The following ME3 variants were observed in gnomAD, a reference collection of about 807,000 sequenced individuals.
ME3 encodes malic enzyme 3, also known as NADP-dependent malic enzyme, mitochondrial.
Under a neutral mutation model 68.9 loss-of-function variants are expected in ME3, and 48 were observed. The observed-to-expected ratio is 0.70, with a 90% CI of 0.55 to 0.89. The LOEUF (loss-of-function observed/expected upper bound fraction) is 0.89, where lower values mean the gene tolerates loss of function less well. Ranked by LOEUF, ME3 falls within the 40% of genes least tolerant of loss-of-function variation. The pLI is 0.00. For missense variants in ME3, 675 were observed against 797.4 expected (o/e 0.85, Z 1.85); for synonymous variants, 320 against 318.8 (o/e 1.00, Z -0.04).
intron 4 of ME3, among the ~76,000 whole-genome samples, chr11:86,544,265 A>T (rs971615725): frequency 3.9e-5 from 6 of 152,184 alleles, no homozygotes; most frequent in Admixed American, 2.6e-4. Context: ...AAGAGCAAAC[A>T]AATTCAAAAG....
rs189981284 is a variant in ME3 at position 86,508,774 on chromosome 11, A to G, written c.543+18T>C. ...TTCACCCAACAATGATTAAATAGCA[A>G]TGAAAACGGGATCATACCTTAATAT... is the stretch of plus-strand genomic sequence containing the variant. On this transcript the variant is annotated intron_variant, in intron 5 of 14. Coordinates refer to ENST00000543262, the Ensembl canonical transcript of ME3. 7.5e-6 allele frequency: 12 copies of G among 1,594,286 alleles called. No individual in the cohort carries two copies. The East Asian group carries it at 1.8e-4, about 24-fold the overall frequency.
At chr11:86,551,379 A>G (rs1956673665) in intron 4 of ME3, among the ~76,000 whole-genome samples, 1 of 151,914 alleles carries the variant, frequency 6.6e-6, no homozygotes, top group Non-Finnish European at 1.5e-5. Context: ...GTCCAACATG[A>G]TATAGTATGT....
chr11:86,612,371 A>C (rs1481551568), intron 2 of ME3, among the ~76,000 whole-genome samples: 2 of 152,218 alleles, frequency 1.3e-5, no homozygotes, highest in Non-Finnish European at 2.9e-5. Context: ...TGTAATAAAC[A>C]TATGTGTGCA....
intron 8 of ME3, among the ~76,000 whole-genome samples, chr11:86,456,714 G>A (rs1005050561): frequency 6.6e-6 from 1 of 152,174 alleles, no homozygotes; most frequent in African/African-American, 2.4e-5. Flanking sequence ...CTGTACCTCT[G>A]GAAGGGGAGG....
intron 2 of ME3, among the ~76,000 whole-genome samples, chr11:86,567,814 A>G (rs942709342): frequency 6.6e-6 from 1 of 152,254 alleles, no homozygotes; most frequent in African/African-American, 2.4e-5. Flanking sequence ...CCTCCAACAT[A>G]GGACAGGCAC....
intron 9 of ME3, 44 bp downstream of exon 9, chr11:86,450,257 A>G (rs1949558509): frequency 2.4e-5 from 38 of 1,578,402 alleles, no homozygotes; most frequent in Non-Finnish European, 3.0e-5. Flanking sequence ...ACCCATTCTT[A>G]TTCTCTTCCT....
At chr11:86,611,108 C>G (rs1942540015) in intron 2 of ME3, among the ~76,000 whole-genome samples, 1 of 151,996 alleles carries the variant, frequency 6.6e-6, no homozygotes, top group Non-Finnish European at 1.5e-5. Flanking sequence ...CATGGATGAA[C>G]CTGGAGGACA....
At chr11:86,630,314 C>T (rs1182292747) in intron 2 of ME3, among the ~76,000 whole-genome samples, 2 of 152,120 alleles carry the variant, frequency 1.3e-5, no homozygotes, top group Non-Finnish European at 2.9e-5. Context: ...GAAGTATTTT[C>T]CAAATGCAGC....
chr11:86,642,983 G>T (rs1308652273), intron 2 of ME3, among the ~76,000 whole-genome samples: 1 of 145,166 alleles, frequency 6.9e-6, no homozygotes, highest in Non-Finnish European at 1.5e-5. Flanking sequence ...ATAAATATAA[G>T]GTTTCTATTA....
intron 2 of ME3, among the ~76,000 whole-genome samples, chr11:86,573,080 T>TC (rs1189729350): frequency 1.3e-5 from 2 of 151,982 alleles, no homozygotes; most frequent in African/African-American, 4.8e-5. Flanking sequence ...AATGTCTTTT[T>TC]TGAGAAGTGT....
intron 4 of ME3, among the ~76,000 whole-genome samples, chr11:86,521,311 C>T (rs902673034): frequency 5.9e-5 from 9 of 151,916 alleles, no homozygotes; most frequent in Non-Finnish European, 1.3e-4. Context: ...AGGAGAATGG[C>T]GTGAACCCAG....
At chr11:86,617,873 A>C (rs556088458) in intron 2 of ME3, among the ~76,000 whole-genome samples, 1 of 152,334 alleles carries the variant, frequency 6.6e-6, no homozygotes, top group South Asian at 2.1e-4. Flanking sequence ...CTAAATGACA[A>C]AGGAAAAATA....
intron 2 of ME3, among the ~76,000 whole-genome samples, chr11:86,571,089 G>C (rs1203111052): frequency 6.6e-6 from 1 of 152,110 alleles, no homozygotes; most frequent in Non-Finnish European, 1.5e-5. Context: ...TTAGGTTAAG[G>C]GTTATAAGCA....
chr11:86,537,677 A>G (rs1034522319), intron 4 of ME3, among the ~76,000 whole-genome samples: 4 of 152,160 alleles, frequency 2.6e-5, no homozygotes, highest in African/African-American at 7.2e-5. Context: ...TGCTGAAGAG[A>G]TCTTTCTTTT....
intron 2 of ME3, among the ~76,000 whole-genome samples, chr11:86,627,312 G>T (rs896897219): frequency 6.6e-6 from 1 of 152,190 alleles, no homozygotes; most frequent in Non-Finnish European, 1.5e-5. Context: ...TCTAATAGAT[G>T]CTTAACAAAT....
chr11:86,643,342 C>G (rs1944789576), intron 2 of ME3, among the ~76,000 whole-genome samples: 1 of 152,066 alleles, frequency 6.6e-6, no homozygotes, highest in Non-Finnish European at 1.5e-5. Context: ...CCTGCCCCAT[C>G]CTTCCACACA....
In ME3 at chr11:86,661,149, G is replaced by A. The variant is rs115346094; in HGVS notation, c.183+10613C>T. ...TCTCCTGGATCTGAAGAAAACACAT[G>A]CACATGATGGCGATACATGTGCTAA... On this transcript the variant is annotated intron_variant, in intron 2 of 14. Coordinates refer to ENST00000543262, the Ensembl canonical transcript of ME3. Among the ~76,000 whole-genome samples, 409 of 152,392 alleles carry A rather than the reference G, an allele frequency of 2.7e-3. 3 individuals are homozygous for A. The highest frequency in any genetic ancestry group is 9.6e-3 in the African/African-American group (398 of 41,602).
At chr11:86,469,319 T>G (rs1318235636) in intron 7 of ME3, among the ~76,000 whole-genome samples, 1 of 152,156 alleles carries the variant, frequency 6.6e-6, no homozygotes, top group Non-Finnish European at 1.5e-5. Flanking sequence ...GCAGGGAGGT[T>G]AGACATTTCT....
chr11:86,448,999 A>T (rs947410048), intron 10 of ME3, among the ~76,000 whole-genome samples: 7 of 152,222 alleles, frequency 4.6e-5, no homozygotes, highest in Non-Finnish European at 7.3e-5. Flanking sequence ...TGGCCAGATT[A>T]TGCTCTGGAA....
Sources: gnomAD v4.1 joint callset for allele counts (sites outside exome capture counted in the v4.1 genomes callset) on GRCh38, gnomAD v4.1.1 for gene constraint, MANE v1.5 for transcripts, NCBI Gene and HGNC (gene_info 2026-07-23, HGNC 2026-07-21) for gene names.